The following NCAM2 variants were observed in gnomAD, a reference collection of about 807,000 sequenced individuals.
NCAM2 encodes N-CAM-2.
NCAM2 carries 30 observed loss-of-function variants against 98.1 expected under a neutral mutation model. The ratio of observed to expected loss-of-function variants is 0.31; its 90% CI spans 0.23 to 0.41. The LOEUF (loss-of-function observed/expected upper bound fraction) is 0.41. Ranked by LOEUF, NCAM2 falls within the 10% of genes least tolerant of loss-of-function variation. The probability of loss-of-function intolerance (pLI) is 1.00; values close to 1 mark genes in which losing one functional copy is unlikely to be tolerated. For synonymous variants in NCAM2, 368 were observed against 342.4 expected (o/e 1.07, Z -0.83); for missense variants, 867 against 1,005.8 (o/e 0.86, Z 1.87).
At chr21:21,129,368 A>G (rs929376727) in intron 1 of NCAM2, among the ~76,000 whole-genome samples, 2 of 152,172 alleles carry the variant, frequency 1.3e-5, no homozygotes, top group Non-Finnish European at 2.9e-5. Context: ...ATTTAATTAT[A>G]GCAAATAAAA....
chr21:21,121,286 G>A (rs575538400), intron 1 of NCAM2, among the ~76,000 whole-genome samples: 208 of 152,042 alleles, frequency 1.4e-3, no homozygotes, highest in South Asian at 3.3e-3. Context: ...ACTTCTTTTT[G>A]TCTTTAAACT....
chr21:21,433,078 G>A lies in NCAM2; in HGVS notation c.1654+797G>A, dbSNP rs569691780. 7.2e-5 allele frequency among the ~76,000 whole-genome samples: 11 copies of A among 152,284 alleles called. No homozygotes were observed. In the East Asian group the frequency reaches 2.1e-3, roughly 29 times the overall value. On this transcript the variant is annotated intron_variant, in intron 12 of 17. Transcript: ENST00000400546. ...AGAAAGAAAGAGGGAACCAATTCTA[G>A]TGAACATAGAGAGAAAGCAAATGAA...
intron 1 of NCAM2, among the ~76,000 whole-genome samples, chr21:21,061,634 GAAGT>G (rs1436434688): frequency 2.0e-5 from 3 of 152,138 alleles, no homozygotes; most frequent in South Asian, 2.1e-4. Context: ...CTTTTCTTAT[GAAGT>G]AAGTACTATG....
intron 1 of NCAM2, among the ~76,000 whole-genome samples, chr21:21,159,616 T>C (rs1378837466): frequency 6.6e-6 from 1 of 152,158 alleles, no homozygotes; most frequent in African/African-American, 2.4e-5. Flanking sequence ...CAATAAGTTA[T>C]ACCATATAGG....
chr21:21,516,592 G>GTGT (rs1270083962), intron 16 of NCAM2, among the ~76,000 whole-genome samples: 2 of 151,876 alleles, frequency 1.3e-5, no homozygotes, highest in Non-Finnish European at 2.9e-5. Context: ...TTGTATACCA[G>GTGT]TGTTTTTTTC....
chr21:21,485,890 T>C (rs1986308268), intron 15 of NCAM2, among the ~76,000 whole-genome samples: 1 of 152,176 alleles, frequency 6.6e-6, no homozygotes, highest in African/African-American at 2.4e-5. Context: ...AGGCCTCTCT[T>C]TCATAGTAGA....
chr21:21,056,783 A>C (rs762973228), intron 1 of NCAM2, among the ~76,000 whole-genome samples: 1 of 152,048 alleles, frequency 6.6e-6, no homozygotes, highest in Non-Finnish European at 1.5e-5. Context: ...AATTGCAAAT[A>C]AATATAGATA....
At chr21:21,105,490 G>A (rs767877333) in intron 1 of NCAM2, among the ~76,000 whole-genome samples, 7 of 151,942 alleles carry the variant, frequency 4.6e-5, no homozygotes, top group Non-Finnish European at 1.0e-4. Flanking sequence ...GACAGAACTG[G>A]CCATAAATAT....
At chr21:21,325,831 A>C (rs1284161886) in intron 6 of NCAM2, among the ~76,000 whole-genome samples, 1 of 152,208 alleles carries the variant, frequency 6.6e-6, no homozygotes, top group Non-Finnish European at 1.5e-5. Flanking sequence ...GAAATTGAAC[A>C]ACAAACATGA....
At position 21,541,534 on chromosome 21, in the gene NCAM2, G is replaced by C. The variant is rs1392395356; in HGVS notation, c.*3577G>C. The C allele has an allele frequency of 1.3e-5, 2 of 151,652 alleles. No individual in the cohort carries two copies. Among genetic ancestry groups the C allele is most frequent in the East Asian group, 3.9e-4 (2 of 5,166 alleles). The allele number at this position is 151,652 out of a possible 1,614,324, so 9.4% of individuals were successfully genotyped here. ...TGAAATTAAATTTTGCCAGTTGTAAGACAAAGACAACAGATAACTTTTGAA... is the reference window on the plus strand; with the variant it reads ...TGAAATTAAATTTTGCCAGTTGTAACACAAAGACAACAGATAACTTTTGAA... On this transcript the variant is annotated 3_prime_UTR_variant, in exon 18 of 18. Coordinates refer to ENST00000400546, the MANE Select transcript of NCAM2 (RefSeq NM_004540.5).
At chr21:21,458,920 T>C (rs1982557416) in intron 12 of NCAM2, among the ~76,000 whole-genome samples, 2 of 152,114 alleles carry the variant, frequency 1.3e-5, no homozygotes, top group African/African-American at 4.8e-5. Flanking sequence ...ATGTATAAAA[T>C]AGGAGATCAT....
intron 9 of NCAM2, among the ~76,000 whole-genome samples, chr21:21,387,906 T>C (rs1016901940): frequency 1.3e-5 from 2 of 152,128 alleles, no homozygotes; most frequent in Non-Finnish European, 2.9e-5. Flanking sequence ...AGTAAAACAG[T>C]GCAGTGAGAC....
chr21:21,449,330 C>A (rs934315113), intron 12 of NCAM2, among the ~76,000 whole-genome samples: 3 of 151,098 alleles, frequency 2.0e-5, no homozygotes, highest in Non-Finnish European at 4.4e-5. Context: ...GGAGTTTAAT[C>A]CACGGGAGGA....
chr21:21,413,071 T>C (rs2076920297), intron 10 of NCAM2, among the ~76,000 whole-genome samples: 1 of 152,166 alleles, frequency 6.6e-6, no homozygotes, highest in Non-Finnish European at 1.5e-5. Context: ...CATAACCAAA[T>C]ATTCAATAAA....
At chr21:21,298,732 T>G (rs1433478634) in intron 5 of NCAM2, among the ~76,000 whole-genome samples, 1 of 151,642 alleles carries the variant, frequency 6.6e-6, no homozygotes, top group Non-Finnish European at 1.5e-5. Flanking sequence ...TTCTTTTCCT[T>G]AAGTCTCTAT....
chr21:21,460,507 C>G (rs572560989), intron 12 of NCAM2, among the ~76,000 whole-genome samples: 56 of 151,962 alleles, frequency 3.7e-4, no homozygotes, highest in Admixed American at 3.1e-3. Flanking sequence ...AATTTGTTTT[C>G]AATGTTCAGC....
At chr21:21,031,144 G>A (rs1302782985) in intron 1 of NCAM2, among the ~76,000 whole-genome samples, 1 of 151,986 alleles carries the variant, frequency 6.6e-6, no homozygotes, top group East Asian at 1.9e-4. Context: ...AGAACTGGAG[G>A]CTCTTAAAAC....
chr21:21,266,247 T>C (rs2072266505), intron 1 of NCAM2, among the ~76,000 whole-genome samples: 1 of 152,124 alleles, frequency 6.6e-6, no homozygotes, highest in African/African-American at 2.4e-5. Flanking sequence ...TTAAACATAC[T>C]GTTTTTTTAC....
At chr21:21,013,400 A>C (rs987361392) in intron 1 of NCAM2, among the ~76,000 whole-genome samples, 8 of 152,222 alleles carry the variant, frequency 5.3e-5, no homozygotes, top group Admixed American at 3.3e-4. Context: ...GAAAGGTCCT[A>C]ATACTCCAGT....
Sources: gnomAD v4.1 joint callset for allele counts (sites outside exome capture counted in the v4.1 genomes callset) on GRCh38, gnomAD v4.1.1 for gene constraint, MANE v1.5 for transcripts, NCBI Gene and HGNC (gene_info 2026-07-23, HGNC 2026-07-21) for gene names.